Variants in ZBED6 observed in about 807,000 individuals in gnomAD.
ZBED6 encodes zinc finger BED domain-containing protein 6.
A neutral mutation model predicts 58.4 loss-of-function variants in ZBED6; 40 were observed. That is an observed-to-expected ratio of 0.68 (90% CI 0.53 to 0.89). The LOEUF (loss-of-function observed/expected upper bound fraction) is 0.89. Among genes scored for constraint, ZBED6 ranks in the 40% least tolerant of loss-of-function variants. ZBED6 has a pLI of 0.00. For missense variants in ZBED6, 1,057 were observed against 1,003.9 expected (o/e 1.05, Z -0.71); for synonymous variants, 439 against 350.6 (o/e 1.25, Z -2.82).
At chr1:203,817,831 T>C (rs12026442) in intron 2 of ZBED6, among the ~76,000 whole-genome samples, 29,142 of 151,816 alleles carry the variant, frequency 0.19, 3,455 homozygotes, top group East Asian at 0.45. Context: ...TGGCTTACTG[T>C]AACCTCCGCC....
exon 1 of ZBED6, chr1:203,798,691 C>T: frequency 6.5e-7 from 1 of 1,536,144 alleles, no homozygotes; most frequent in Non-Finnish European, 8.7e-7. Context: ...GAGCAAGGCA[C>T]TCTGATGCGT....
intron 1 of ZBED6, among the ~76,000 whole-genome samples, chr1:203,804,215 G>T (rs1467297454): frequency 2.0e-5 from 3 of 147,846 alleles, no homozygotes; most frequent in African/African-American, 7.5e-5. Flanking sequence ...GCAGTGGCGT[G>T]ATCTCGATTC....
chr1:203,817,901 T>A (rs2102785823), intron 2 of ZBED6, among the ~76,000 whole-genome samples: 1 of 152,130 alleles, frequency 6.6e-6, no homozygotes, highest in African/African-American at 2.4e-5. Flanking sequence ...TTCTGGCGCC[T>A]GCCACCACAC....
At chr1:203,811,074 G>T (rs1674319141) in intron 1 of ZBED6, among the ~76,000 whole-genome samples, 1 of 151,696 alleles carries the variant, frequency 6.6e-6, no homozygotes, top group Non-Finnish European at 1.5e-5. Context: ...CCAGAAGGTG[G>T]AGGTTGCAAT....
intron 1 of ZBED6, among the ~76,000 whole-genome samples, chr1:203,812,802 G>C (rs1489600481): frequency 6.6e-6 from 1 of 151,976 alleles, no homozygotes; most frequent in African/African-American, 2.4e-5. Context: ...AGCTCGTCTT[G>C]AACTCCTGAC....
intron 11 of ZBED6, among the ~76,000 whole-genome samples, chr1:203,846,457 A>T (rs1364185802): frequency 6.6e-6 from 1 of 152,104 alleles, no homozygotes; most frequent in East Asian, 1.9e-4. Flanking sequence ...TAAATTTAAT[A>T]TCATTTCCTT....
intron 1 of ZBED6, among the ~76,000 whole-genome samples, chr1:203,805,226 T>G (rs1671906852): frequency 6.6e-6 from 1 of 150,432 alleles, no homozygotes; most frequent in South Asian, 2.1e-4. Context: ...CTCCGCCTCC[T>G]GGGTTCAAGC....
In ZBED6 at chr1:203,830,668, G is replaced by A. The variant is rs1304852836; in HGVS notation, c.*3399+465G>A. 2.6e-5 allele frequency among the ~76,000 whole-genome samples: 4 copies of A among 152,050 alleles called. No homozygotes were observed. In the South Asian group the frequency reaches 6.2e-4, roughly 24 times the overall value. ...TCTACTAAAACAAAAAATTAGCCAG[G>A]CGGGGTGGCATGCACCTGTAGTCCC... is the stretch of plus-strand genomic sequence containing the variant. On this transcript the variant is annotated intron_variant, in intron 7 of 16. Transcript: ENST00000550078.
At chr1:203,799,673 T>C in exon 1 of ZBED6, 1 of 706,634 alleles carries the variant, frequency 1.4e-6, no homozygotes, top group East Asian at 2.7e-5. Flanking sequence ...CCCTAATCCA[T>C]CATCTACTCC....
At chr1:203,816,788 A>T (rs778753464) in intron 1 of ZBED6, 138 bp from the exon 2 acceptor site, 1 of 312,224 alleles carries the variant, frequency 3.2e-6, no homozygotes, top group East Asian at 5.6e-5. Context: ...ATTCGCAATC[A>T]GTGTGTTTAC....
At chr1:203,796,305 T>G (rs1278611832) in exon 1 of ZBED6, 1 of 397,722 alleles carries the variant, frequency 2.5e-6, no homozygotes, top group Non-Finnish European at 4.4e-6. Context: ...TCCCGGTACT[T>G]TGGAGCTTGT....
At chr1:203,815,828 C>T (rs1052962800) in intron 1 of ZBED6, among the ~76,000 whole-genome samples, 5 of 152,100 alleles carry the variant, frequency 3.3e-5, no homozygotes, top group Middle Eastern at 3.2e-3. Context: ...CTGGTATGTA[C>T]GTTTGTGGAA....
chr1:203,818,493 C>T, intron 2 of ZBED6, 77 bp from the exon 3 acceptor site: 3 of 1,588,028 alleles, frequency 1.9e-6, no homozygotes, highest in South Asian at 2.2e-5. Context: ...GTCTAAATTC[C>T]AGGAGCTCTT....
At chr1:203,810,901 C>T (rs904664192) in intron 1 of ZBED6, among the ~76,000 whole-genome samples, 2 of 150,586 alleles carry the variant, frequency 1.3e-5, no homozygotes, top group African/African-American at 2.4e-5. Flanking sequence ...GAGGTTGAGG[C>T]GGGCAGATGA....
intron 2 of ZBED6, among the ~76,000 whole-genome samples, chr1:203,817,729 T>G (rs1437977660): frequency 6.6e-6 from 1 of 152,028 alleles, no homozygotes; most frequent in Non-Finnish European, 1.5e-5. Context: ...TAAAAAAATT[T>G]GTTCTTCAGT....
At chr1:203,839,076 A>G (rs551003106) in intron 10 of ZBED6, among the ~76,000 whole-genome samples, 11 of 152,232 alleles carry the variant, frequency 7.2e-5, no homozygotes, top group Admixed American at 1.3e-4. Context: ...GGGGGCAAGC[A>G]TGCTGGCGTG....
chr1:203,850,165 ATATTTT>A, intron 14 of ZBED6, 139 bp downstream of exon 14: 1 of 754,974 alleles, frequency 1.3e-6, no homozygotes, highest in Non-Finnish European at 2.2e-6. Context: ...AATATTTCTG[ATATTTT>A]TATACAGAGG....
At chr1:203,848,470 T>G in intron 13 of ZBED6, 63 bp downstream of exon 13, 2 of 1,270,356 alleles carry the variant, frequency 1.6e-6, no homozygotes, top group Non-Finnish European at 2.2e-6. Flanking sequence ...ATTGGTAGTT[T>G]TACCTTACAA....
At chr1:203,827,799 T>A (rs144187243) in intron 3 of ZBED6, among the ~76,000 whole-genome samples, 2 of 152,276 alleles carry the variant, frequency 1.3e-5, no homozygotes, top group Admixed American at 1.3e-4. Flanking sequence ...ACCCTTGAAC[T>A]CTCAGCTTCA....
Sources: allele counts gnomAD v4.1 joint callset (sites outside exome capture counted in the v4.1 genomes callset), GRCh38; gene constraint gnomAD v4.1.1; transcripts MANE v1.5; gene names NCBI Gene and HGNC (gene_info 2026-07-23, HGNC 2026-07-21).